The following RFX6 variants were observed in gnomAD, a reference collection of about 807,000 sequenced individuals.
The protein encoded by RFX6 is DNA-binding protein RFX6.
RFX6 carries 50 observed loss-of-function variants against 110.8 expected under a neutral mutation model. The observed-to-expected ratio is 0.45, with a 90% CI of 0.36 to 0.57. RFX6 has a LOEUF of 0.57. RFX6 is among the 20% of genes least tolerant of loss of function. The pLI is 0.00. For synonymous variants in RFX6, 383 were observed against 411.2 expected (o/e 0.93, Z 0.83); for missense variants, 990 against 1,127.0 (o/e 0.88, Z 1.74).
chr6:116,917,703 G>C (rs1033116929), intron 9 of RFX6, among the ~76,000 whole-genome samples: 6 of 152,080 alleles, frequency 3.9e-5, no homozygotes, highest in Non-Finnish European at 8.8e-5. Flanking sequence ...AAGTAGAACG[G>C]TGTAAGATGA....
At chr6:116,898,703 C>G (rs1352979780) in intron 6 of RFX6, among the ~76,000 whole-genome samples, 2 of 152,124 alleles carry the variant, frequency 1.3e-5, no homozygotes, top group Non-Finnish European at 2.9e-5. Flanking sequence ...AGTTCGGATG[C>G]AAGCAGATTT....
Position 116,920,461 on chromosome 6 carries a change from C to G in RFX6, c.1327+7C>G. The G allele has an allele frequency of 6.2e-7, 1 of 1,611,864 alleles. No individual in the cohort carries two copies. Among genetic ancestry groups the G allele is most frequent in the Non-Finnish European group, 8.5e-7 (1 of 1,178,022 alleles). Reference sequence around the variant, plus strand: ...TCTGGTATCTACACTGAACGTAAGTCCATTCTCTTTGTTTAGAACAAGGTT... The same window carrying G: ...TCTGGTATCTACACTGAACGTAAGTGCATTCTCTTTGTTTAGAACAAGGTT... On this transcript the variant is annotated splice_region_variant and intron_variant, in intron 12 of 18. Coordinates refer to ENST00000332958, the MANE Select transcript of RFX6 (RefSeq NM_173560.4).
intron 4 of RFX6, among the ~76,000 whole-genome samples, chr6:116,892,397 T>A (rs907654966): frequency 2.0e-5 from 3 of 152,204 alleles, no homozygotes; most frequent in Admixed American, 2.0e-4. Context: ...TCTGGGTCCC[T>A]GGGGCCCTGG....
At chr6:116,896,112 T>C (rs1299209769) in intron 6 of RFX6, among the ~76,000 whole-genome samples, 1 of 152,198 alleles carries the variant, frequency 6.6e-6, no homozygotes. Flanking sequence ...GACTTAGAGA[T>C]ACACTTTGGT....
At position 116,912,357 on chromosome 6, in the gene RFX6, A is replaced by C. The variant is rs561324803; in HGVS notation, c.780+1315A>C. Among the ~76,000 whole-genome samples, 10 of 152,230 alleles carry C rather than the reference A, an allele frequency of 6.6e-5. No homozygotes were observed. In the South Asian group the frequency reaches 1.9e-3, roughly 28 times the overall value. ...AATACAAGTTGGAAAAAAAAAAGTA[A>C]AATATACCCTTAAAAAAAAGAAGAG... On this transcript the variant is annotated intron_variant, in intron 7 of 18. Coordinates refer to ENST00000332958, the MANE Select transcript of RFX6 (RefSeq NM_173560.4).
At chr6:116,882,972 TG>T (rs148963467) in intron 4 of RFX6, among the ~76,000 whole-genome samples, 3,952 of 152,274 alleles carry the variant, frequency 0.026, 147 homozygotes, top group African/African-American at 0.09. Flanking sequence ...TTTTCCTCTC[TG>T]TTGTGGCAGT....
chr6:116,927,155 C>A lies in RFX6; in HGVS notation c.2014C>A (p.Leu672Met). 1 of 1,614,192 alleles carries A rather than the reference C, an allele frequency of 6.2e-7. No individual in the cohort carries two copies. Residue 672 changes from leucine (L) to methionine (M), a missense_variant, in exon 17 of 19, where the codon CTG (leucine) becomes ATG (methionine). Coordinates refer to ENST00000332958, the MANE Select transcript of RFX6 (RefSeq NM_173560.4). ...AGRPPSVGPV[L>M]SAPSHCSTYP... ...GAGGCCCCCAAGTGTGGGCCCAGTA[C>A]TGTCAGCTCCATCACACTGCTCCAC...
intron 18 of RFX6, 80 bp from the exon 19 acceptor site, chr6:116,931,251 G>T: frequency 9.9e-7 from 1 of 1,010,404 alleles, no homozygotes; most frequent in Non-Finnish European, 1.6e-6. Context: ...AATAAATACA[G>T]GGTATTAAAA....
intron 15 of RFX6, 145 bp from the exon 16 acceptor site, chr6:116,925,307 AC>A (rs1775686572): frequency 1.3e-6 from 1 of 775,708 alleles, no homozygotes; most frequent in Non-Finnish European, 2.2e-6. Flanking sequence ...AGGTCTGCCA[AC>A]CTCACTTCCC....
At chr6:116,931,098 T>C (rs879214712) in intron 18 of RFX6, among the ~76,000 whole-genome samples, 3 of 152,258 alleles carry the variant, frequency 2.0e-5, no homozygotes, top group Non-Finnish European at 4.4e-5. Flanking sequence ...AGCACTTAAG[T>C]TGAAATGGAG....
intron 7 of RFX6, among the ~76,000 whole-genome samples, chr6:116,912,225 T>C (rs1266866897): frequency 1.3e-5 from 2 of 152,042 alleles, no homozygotes; most frequent in African/African-American, 4.8e-5. Flanking sequence ...AACTAACTAT[T>C]GGGTACTACG....
chr6:116,919,869 C>T (rs907854920), intron 11 of RFX6, among the ~76,000 whole-genome samples: 14 of 152,264 alleles, frequency 9.2e-5, no homozygotes, highest in African/African-American at 3.4e-4. Flanking sequence ...TGATTATCTG[C>T]TTTATGAAGG....
At chr6:116,911,116 T>A in intron 7 of RFX6, 74 bp downstream of exon 7, 1 of 1,042,492 alleles carries the variant, frequency 9.6e-7, no homozygotes, top group Admixed American at 1.7e-5. Flanking sequence ...GGGAATTTCA[T>A]GGTACTGCAG....
chr6:116,895,533 G>A (rs1774925139), intron 6 of RFX6, among the ~76,000 whole-genome samples: 2 of 152,242 alleles, frequency 1.3e-5, no homozygotes, highest in South Asian at 4.1e-4. Context: ...AGCTTAAGCT[G>A]AGGATATGGA....
intron 5 of RFX6, 104 bp from the exon 6 acceptor site, chr6:116,895,076 T>G (rs1260363800): frequency 1.9e-5 from 12 of 634,132 alleles, no homozygotes; most frequent in Non-Finnish European, 3.2e-5. Flanking sequence ...CTTATTTCTC[T>G]AATCATGGTA....
At chr6:116,903,662 G>A (rs201804568) in intron 6 of RFX6, among the ~76,000 whole-genome samples, 1 of 135,062 alleles carries the variant, frequency 7.4e-6, no homozygotes, top group Non-Finnish European at 1.7e-5. Context: ...ACAACATATT[G>A]TTTATTATTT....
chr6:116,877,709 A>T (rs1774493712), intron 1 of RFX6, 87 bp from the exon 2 acceptor site: 4 of 1,312,100 alleles, frequency 3.0e-6, no homozygotes, highest in Non-Finnish European at 3.2e-6. Flanking sequence ...CCAGTAGGCT[A>T]CTCCTTTGAA....
At chr6:116,925,388 T>C in intron 15 of RFX6, 65 bp from the exon 16 acceptor site, 1 of 1,228,084 alleles carries the variant, frequency 8.1e-7, no homozygotes, top group South Asian at 1.2e-5. Flanking sequence ...TTCTTTTTAC[T>C]TGGGTTTATC....
At position 116,928,875 on chromosome 6, in the gene RFX6, G is replaced by A. The variant is rs763502980; in HGVS notation, c.2515G>A (p.Asp839Asn). Residue 839 changes from aspartate (D) to asparagine (N), a missense_variant, in exon 18 of 19, where the codon GAT (aspartate) becomes AAT (asparagine). Physicochemically the swap from Asp to Asn is conservative, Grantham distance 23. Coordinates refer to ENST00000332958, the MANE Select transcript of RFX6 (RefSeq NM_173560.4). The stretch of plus-strand genomic sequence containing the variant: ...ACTGCCCCCCTACAGTGACATCCAC[G>A]ATCCACTTAACATTTTAGATGACAG... The part of the protein sequence containing the change: ...RSLPPYSDIH[D>N]PLNILDDSGR... 6 of 1,613,480 alleles carry A rather than the reference G, an allele frequency of 3.7e-6. No homozygotes were observed. The South Asian group carries it at 4.4e-5, about 12-fold the overall frequency.
Sources: gnomAD v4.1 joint callset for allele counts (sites outside exome capture counted in the v4.1 genomes callset) on GRCh38, gnomAD v4.1.1 for gene constraint, MANE v1.5 for transcripts, NCBI Gene and HGNC (gene_info 2026-07-23, HGNC 2026-07-21) for gene names.